Variants in EPS8L3 observed in about 807,000 individuals in gnomAD.
EPS8L3 encodes epidermal growth factor receptor kinase substrate 8-like protein 3.
EPS8L3 carries 80 observed loss-of-function variants against 88.5 expected under a neutral mutation model. The ratio of observed to expected loss-of-function variants is 0.90; its 90% CI spans 0.75 to 1.09. The LOEUF (loss-of-function observed/expected upper bound fraction) is 1.09. Among genes scored for constraint, EPS8L3 ranks in the 50% least tolerant of loss-of-function variants. The pLI, the probability that EPS8L3 is intolerant of heterozygous loss-of-function variation, is 0.00. For synonymous variants in EPS8L3, 286 were observed against 291.0 expected, an observed-to-expected ratio of 0.98 and a Z score of 0.18; for missense variants, 721 against 735.2, an observed-to-expected ratio of 0.98 and a Z score of 0.22.
intron 1 of EPS8L3, among the ~76,000 whole-genome samples, chr1:109,762,257 G>A (rs1651058976): frequency 6.6e-6 from 1 of 152,172 alleles, no homozygotes; most frequent in Admixed American, 6.5e-5. Context: ...TTCAGCTGTA[G>A]ACCCTCTGGG....
In EPS8L3 at chr1:109,758,336, C is replaced by T. The variant is rs150245280; in HGVS notation, c.697G>A (p.Glu233Lys). Reference protein sequence around the residue: ...LPPPRRSSSPEDPERDEEVLN... With the variant: ...LPPPRRSSSPKDPERDEEVLN... ...GTTACCTCGTCCCTCTCTGGGTCCTCGGGGGAAGAGGACCGCCTTGGAGGA... is the reference window on the plus strand; with the variant it reads ...GTTACCTCGTCCCTCTCTGGGTCCTTGGGGGAAGAGGACCGCCTTGGAGGA... Residue 233 changes from glutamate to lysine, a missense_variant, in exon 8 of 19, where the codon GAG (glutamate) becomes AAG (lysine). Transcript: ENST00000361965. The T allele has an allele frequency of 7.0e-5, 113 of 1,613,488 alleles. No individual in the cohort carries two copies. The highest frequency in any genetic ancestry group is 1.6e-4 in the Middle Eastern group (1 of 6,084).
At chr1:109,760,007 T>C in intron 3 of EPS8L3, 171 bp from the exon 4 acceptor site, 1 of 668,412 alleles carries the variant, frequency 1.5e-6, no homozygotes, top group Non-Finnish European at 2.5e-6. Context: ...TGAGGGACGG[T>C]GTCGAAGCAC....
At chr1:109,757,420 TCTCTA>T in intron 11 of EPS8L3, 56 bp downstream of exon 11, 1 of 1,507,938 alleles carries the variant, frequency 6.6e-7, no homozygotes, top group East Asian at 2.3e-5. Flanking sequence ...TCCTTTCCTC[TCTCTA>T]CTCCTTCTTG....
intron 1 of EPS8L3, 69 bp from the exon 2 acceptor site, chr1:109,761,842 G>T: frequency 7.1e-7 from 1 of 1,417,412 alleles, no homozygotes. Context: ...CAGCAGGGCA[G>T]GACAGTTGCT....
At chr1:109,758,755 CCACCTCT>C in intron 6 of EPS8L3, 92 bp from the exon 7 acceptor site, 1 of 1,450,034 alleles carries the variant, frequency 6.9e-7, no homozygotes, top group African/African-American at 1.4e-5. Flanking sequence ...AGGGGCACCA[CCACCTCT>C]CTCCAGGAGT....
Position 109,759,037 on chromosome 1 carries a change from G to T in EPS8L3, c.461+25C>A. 6.3e-7 allele frequency: 1 copy of T among 1,583,280 alleles called. No individual in the cohort carries two copies. Among genetic ancestry groups the T allele is most frequent in the Admixed American group, 1.8e-5 (1 of 54,718 alleles). The stretch of plus-strand genomic sequence containing the variant: ...CGAGGCTGAGCTGGGAGGCCCCATA[G>T]GTGGGCTGGGCAGAGGCTGCCTACC... On this transcript the variant is annotated intron_variant, in intron 6 of 18. Coordinates refer to ENST00000361965, the MANE Select transcript of EPS8L3 (RefSeq NM_133181.4). This position sits in a 1 kb window ranked among gnomAD's most constrained non-coding sequence, Gnocchi z 4.2.
At chr1:109,762,308 C>A (rs1651065223) in intron 1 of EPS8L3, among the ~76,000 whole-genome samples, 1 of 152,132 alleles carries the variant, frequency 6.6e-6, no homozygotes, top group Admixed American at 6.5e-5. Context: ...GGTGGCACTG[C>A]AGGACTCGCC....
chr1:109,755,224 C>T (rs894843825), intron 12 of EPS8L3, among the ~76,000 whole-genome samples: 7 of 151,988 alleles, frequency 4.6e-5, no homozygotes, highest in African/African-American at 1.7e-4. Flanking sequence ...TAGAGGTTTC[C>T]AAGGGTTGAG....
chr1:109,756,481 G>T (rs538701559), intron 12 of EPS8L3, among the ~76,000 whole-genome samples: 6 of 152,092 alleles, frequency 3.9e-5, no homozygotes, highest in Non-Finnish European at 7.4e-5. Context: ...CAGGTGATCC[G>T]CCCACCTGGC....
At chr1:109,761,362 G>A (rs894792397) in intron 3 of EPS8L3, 133 bp downstream of exon 3, 15 of 741,230 alleles carry the variant, frequency 2.0e-5, no homozygotes, top group Admixed American at 1.3e-4. Context: ...GAGTCCATGC[G>A]ACATGGTTGG....
chr1:109,758,286 C>G (rs1650507011), intron 8 of EPS8L3, 30 bp downstream of exon 8: 7 of 1,590,260 alleles, frequency 4.4e-6, no homozygotes, highest in Non-Finnish European at 6.0e-6. Context: ...CCCAGAAAGC[C>G]TCAGCAAACT....
chr1:109,751,805 T>C (rs1045285262), intron 15 of EPS8L3, 23 bp from the exon 16 acceptor site: 19 of 1,611,802 alleles, frequency 1.2e-5, no homozygotes, highest in Non-Finnish European at 1.6e-5. Context: ...ACCACCTCAG[T>C]CCCCTGAGCC....
At position 109,758,556 on chromosome 1, in the gene EPS8L3, G is replaced by C; in HGVS notation, c.569C>G (p.Pro190Arg). 6.2e-7 allele frequency: 1 copy of C among 1,612,510 alleles called. No homozygotes were observed. The highest frequency in any genetic ancestry group is 8.5e-7 in the Non-Finnish European group (1 of 1,179,110). Reference protein sequence around the residue: ...QARYLEPGIPPEQPHQRTLEH... With the variant: ...QARYLEPGIPREQPHQRTLEH... Reference sequence around the variant, plus strand: ...TAGGGTCCTCTGGTGGGGCTGTTCTGGAGGGATCCCCGGCTCCAGATAGCG... The same window carrying C: ...TAGGGTCCTCTGGTGGGGCTGTTCTCGAGGGATCCCCGGCTCCAGATAGCG... The change falls in exon 7 of 19, where the codon CCA becomes CGA. Residue 190 changes from proline to arginine, a missense_variant. Physicochemically the swap from Pro to Arg is moderately radical, Grantham distance 103. Transcript: ENST00000361965.
At chr1:109,758,810 C>T in intron 6 of EPS8L3, 147 bp from the exon 7 acceptor site, 2 of 1,075,652 alleles carry the variant, frequency 1.9e-6, no homozygotes, top group Non-Finnish European at 2.6e-6. Flanking sequence ...TGGACCCACC[C>T]CTGACTCCAC....
Position 109,761,052 on chromosome 1 carries a change from C to G in EPS8L3, c.96+443G>C, listed in dbSNP as rs998556985. Among the ~76,000 whole-genome samples the G allele has an allele frequency of 3.3e-5, 5 of 152,146 alleles. No individual in the cohort carries two copies. The East Asian group carries it at 7.7e-4, about 24-fold the overall frequency. ...GCCTCCCCTCTCCAACAGTGGCCCT[C>G]TCAATCCCCCACAGGGCCCAAAGAT... On this transcript the variant is annotated intron_variant, in intron 3 of 18. Coordinates refer to ENST00000361965, the MANE Select transcript of EPS8L3 (RefSeq NM_133181.4).
intron 10 of EPS8L3, 35 bp from the exon 11 acceptor site, chr1:109,757,590 C>T: frequency 6.3e-7 from 1 of 1,579,370 alleles, no homozygotes; most frequent in Non-Finnish European, 8.7e-7. Context: ...CACCACCCTT[C>T]ACCCCACCCC....
intron 1 of EPS8L3, among the ~76,000 whole-genome samples, chr1:109,763,085 C>T (rs1570713441): frequency 6.6e-6 from 1 of 152,310 alleles, no homozygotes; most frequent in Admixed American, 6.5e-5. Flanking sequence ...GAGAGCAACC[C>T]ATACCCTTGT....
Position 109,758,568 on chromosome 1 carries a change from G to C in EPS8L3, c.557C>G (p.Pro186Arg), listed in dbSNP as rs373974273. ...LPMEQARYLE[P>R]GIPPEQPHQR... ...GTGGGGCTGTTCTGGAGGGATCCCC[G>C]GCTCCAGATAGCGTGCCTGCTCCAT... is the stretch of plus-strand genomic sequence containing the variant. Residue 186 changes from proline to arginine, a missense_variant, in exon 7 of 19, where the codon CCG becomes CGG. By Grantham distance (103) the Pro-to-Arg change is moderately radical. Coordinates refer to ENST00000361965, the MANE Select transcript of EPS8L3 (RefSeq NM_133181.4). 2 of 1,613,096 alleles carry C rather than the reference G, an allele frequency of 1.2e-6. No homozygotes were observed. Among genetic ancestry groups the C allele is most frequent in the Non-Finnish European group, 8.5e-7 (1 of 1,179,408 alleles).
intron 16 of EPS8L3, 65 bp from the exon 17 acceptor site, chr1:109,751,416 A>G: frequency 6.6e-7 from 1 of 1,516,248 alleles, no homozygotes; most frequent in Non-Finnish European, 9.1e-7. Context: ...AGCCCCTAAC[A>G]TCTGGGTCCC....
Sources: allele counts gnomAD v4.1 joint callset (sites outside exome capture counted in the v4.1 genomes callset), GRCh38; gene constraint gnomAD v4.1.1; non-coding constraint Gnocchi (gnomAD v3.1); transcripts MANE v1.5; gene names NCBI Gene and HGNC (gene_info 2026-07-23, HGNC 2026-07-21).